ROBO1: variants seen among roughly 807,000 people sequenced by gnomAD.
ROBO1 encodes roundabout guidance receptor 1, also known as roundabout homolog 1.
Under a neutral mutation model 195.9 loss-of-function variants are expected in ROBO1, and 149 were observed. The observed-to-expected ratio is 0.76, with a 90% CI of 0.67 to 0.87. The LOEUF (loss-of-function observed/expected upper bound fraction) is 0.87. Ranked by LOEUF, ROBO1 falls within the 40% of genes least tolerant of loss-of-function variation. The pLI, the probability that ROBO1 is intolerant of heterozygous loss-of-function variation, is 0.00. For synonymous variants in ROBO1, 816 were observed against 733.2 expected, an observed-to-expected ratio of 1.11 and a Z score of -1.82; for missense variants, 1,933 against 2,068.3, an observed-to-expected ratio of 0.93 and a Z score of 1.27.
At chr3:79,151,709 T>C (rs1398490419) in intron 2 of ROBO1, among the ~76,000 whole-genome samples, 3 of 151,864 alleles carry the variant, frequency 2.0e-5, no homozygotes, top group Non-Finnish European at 4.4e-5. Flanking sequence ...ACAGTACAAT[T>C]TGGGCCAGTT....
intron 2 of ROBO1, among the ~76,000 whole-genome samples, chr3:79,270,540 T>C (rs2108969491): frequency 6.6e-6 from 1 of 151,854 alleles, no homozygotes; most frequent in African/African-American, 2.4e-5. Flanking sequence ...AGGCTGCACC[T>C]GAATTGTTGC....
intron 1 of ROBO1, among the ~76,000 whole-genome samples, chr3:79,658,661 C>T (rs2106806691): frequency 6.6e-6 from 1 of 151,996 alleles, no homozygotes; most frequent in African/African-American, 2.4e-5. Context: ...TACAAGCATA[C>T]AATATATAAT....
chr3:79,259,572 C>T (rs1034416837), intron 2 of ROBO1, among the ~76,000 whole-genome samples: 2 of 152,160 alleles, frequency 1.3e-5, no homozygotes, highest in South Asian at 4.2e-4. Context: ...ATCCCCACCT[C>T]CCCCTATGCC....
chr3:78,775,123 T>C (rs1010552794), intron 4 of ROBO1, among the ~76,000 whole-genome samples: 2 of 152,222 alleles, frequency 1.3e-5, no homozygotes, highest in African/African-American at 4.8e-5. Flanking sequence ...GATGTCAGTT[T>C]GTACCCATGA....
At chr3:79,286,459 T>C (rs2031894135) in intron 2 of ROBO1, among the ~76,000 whole-genome samples, 1 of 152,146 alleles carries the variant, frequency 6.6e-6, no homozygotes, top group African/African-American at 2.4e-5. Context: ...AAGATGCCAA[T>C]GTTCCCACTA....
chr3:79,504,411 C>T (rs1274928147), intron 2 of ROBO1, among the ~76,000 whole-genome samples: 1 of 151,872 alleles, frequency 6.6e-6, no homozygotes, highest in Admixed American at 6.6e-5. Context: ...AATAAGAGAC[C>T]TATTTTTTCT....
chr3:79,550,201 GA>G (rs1487696302), intron 2 of ROBO1, among the ~76,000 whole-genome samples: 4 of 23,168 alleles, frequency 1.7e-4, no homozygotes, highest in African/African-American at 2.7e-4. Flanking sequence ...GAAAGGAAAA[GA>G]AAAGAAAAGA....
chr3:79,315,022 GA>G (rs146176209), intron 2 of ROBO1, among the ~76,000 whole-genome samples: 14,998 of 152,212 alleles, frequency 0.099, 804 homozygotes, highest in Middle Eastern at 0.14. Flanking sequence ...GGACAGAAAC[GA>G]AATGGGAAAC....
In ROBO1 at chr3:79,230,634, C is replaced by T. The variant is rs141431232; in HGVS notation, c.89-105095G>A. Among the ~76,000 whole-genome samples, 6 of 152,158 alleles carry T rather than the reference C, an allele frequency of 3.9e-5. 1 individual carries two copies. In the East Asian group the frequency reaches 1.2e-3, roughly 29 times the overall value. On this transcript the variant is annotated intron_variant, in intron 2 of 30. Coordinates refer to ENST00000464233, the MANE Select transcript of ROBO1 (RefSeq NM_002941.4). ...TGACACAAATGAGTGGAAAAAAAAT[C>T]CCATGCTCATGGATAGGAAGAATCA...
chr3:79,601,074 C>A (rs532575771), intron 1 of ROBO1, among the ~76,000 whole-genome samples: 5 of 151,686 alleles, frequency 3.3e-5, no homozygotes, highest in Admixed American at 2.6e-4. Flanking sequence ...AAAGAGAGAA[C>A]GAAGTAATCA....
intron 17 of ROBO1, 95 bp from the exon 18 acceptor site, chr3:78,657,364 C>A: frequency 7.8e-7 from 1 of 1,275,020 alleles, no homozygotes; most frequent in East Asian, 2.5e-5. Context: ...AGACAGAGTA[C>A]TAAACTGTCA....
chr3:79,538,634 A>G lies in ROBO1; in HGVS notation c.88+51190T>C, dbSNP rs576645847. Among the ~76,000 whole-genome samples the G allele has an allele frequency of 1.6e-4, 24 of 152,116 alleles. No homozygotes were observed. The South Asian group carries it at 1.7e-3, about 11-fold the overall frequency. ...GCAAGGCCACCCATGGTATTACTAA[A>G]TGTTTATTTGATAGCTTTCTAGGAT... is the stretch of plus-strand genomic sequence containing the variant. On this transcript the variant is annotated intron_variant, in intron 2 of 30. Transcript: ENST00000464233.
intron 2 of ROBO1, among the ~76,000 whole-genome samples, chr3:79,466,697 G>A (rs537220842): frequency 6.6e-6 from 1 of 152,216 alleles, no homozygotes; most frequent in South Asian, 2.1e-4. Flanking sequence ...GTGGCATAAT[G>A]AGTGACTGTA....
intron 3 of ROBO1, among the ~76,000 whole-genome samples, chr3:79,091,201 A>G (rs2079474360): frequency 6.6e-6 from 1 of 152,164 alleles, no homozygotes; most frequent in Admixed American, 6.6e-5. Flanking sequence ...ACACAGTTCA[A>G]TATAACTTTT....
intron 10 of ROBO1, among the ~76,000 whole-genome samples, chr3:78,673,806 T>G (rs1302800102): frequency 6.6e-6 from 1 of 151,230 alleles, no homozygotes; most frequent in Non-Finnish European, 1.5e-5. Context: ...GAACAGAATA[T>G]ACACACATTG....
chr3:79,388,666 G>A (rs2036841251), intron 2 of ROBO1, among the ~76,000 whole-genome samples: 2 of 152,070 alleles, frequency 1.3e-5, no homozygotes, highest in Admixed American at 1.3e-4. Flanking sequence ...CATATGCACA[G>A]GTAATATAAA....
At chr3:78,705,810 C>A (rs1235203663) in intron 8 of ROBO1, among the ~76,000 whole-genome samples, 1 of 152,120 alleles carries the variant, frequency 6.6e-6, no homozygotes, top group Non-Finnish European at 1.5e-5. Flanking sequence ...TTTTCCTGCT[C>A]CCCCAATGTT....
chr3:79,104,330 T>C (rs1480480269), intron 3 of ROBO1, among the ~76,000 whole-genome samples: 1 of 151,830 alleles, frequency 6.6e-6, no homozygotes, highest in Non-Finnish European at 1.5e-5. Context: ...ACTACCTTAC[T>C]TGAAGTTAGG....
At chr3:78,707,432 C>T (rs2081579342) in intron 8 of ROBO1, among the ~76,000 whole-genome samples, 1 of 152,074 alleles carries the variant, frequency 6.6e-6, no homozygotes, top group Non-Finnish European at 1.5e-5. Context: ...AAGCATCAGA[C>T]AAAAATAACA....
Sources: gnomAD v4.1 joint callset for allele counts (sites outside exome capture counted in the v4.1 genomes callset) on GRCh38, gnomAD v4.1.1 for gene constraint, MANE v1.5 for transcripts, NCBI Gene and HGNC (gene_info 2026-07-23, HGNC 2026-07-21) for gene names.